The following DENND5B variants were observed in gnomAD, a reference collection of about 807,000 sequenced individuals.
DENND5B encodes the protein DENN domain containing 5B, also known as DENN domain-containing protein 5B.
A neutral mutation model predicts 140.6 loss-of-function variants in DENND5B; 34 were observed. The observed-to-expected ratio is 0.24, with a 90% CI of 0.18 to 0.32. The LOEUF is 0.32. Ranked by LOEUF, DENND5B falls within the 10% of genes least tolerant of loss-of-function variation. The pLI is 1.00. For synonymous variants in DENND5B, 551 were observed against 562.1 expected, an observed-to-expected ratio of 0.98 and a Z score of 0.28; for missense variants, 1,142 against 1,560.2, an observed-to-expected ratio of 0.73 and a Z score of 4.52.
At chr12:31,531,192 C>CTTT (rs57219180) in intron 1 of DENND5B, among the ~76,000 whole-genome samples, 15 of 147,794 alleles carry the variant, frequency 1.0e-4, no homozygotes, top group Non-Finnish European at 1.5e-4. Flanking sequence ...TTAGAACTAA[C>CTTT]TTTTTTTTTT....
chr12:31,581,624 C>T (rs540562984), intron 1 of DENND5B, among the ~76,000 whole-genome samples: 84 of 145,660 alleles, frequency 5.8e-4, no homozygotes, highest in Non-Finnish European at 1.0e-3. Flanking sequence ...ACCTGGGAGG[C>T]GCTGGCTGCG....
At chr12:31,586,745 A>G (rs1950406343) in intron 1 of DENND5B, among the ~76,000 whole-genome samples, 2 of 152,190 alleles carry the variant, frequency 1.3e-5, no homozygotes, top group Non-Finnish European at 2.9e-5. Flanking sequence ...AAGTCTATGA[A>G]GCAACTGGTA....
At chr12:31,542,287 C>CA (rs778257868) in intron 1 of DENND5B, among the ~76,000 whole-genome samples, 2,117 of 61,804 alleles carry the variant, frequency 0.034, 31 homozygotes, top group African/African-American at 0.067. Flanking sequence ...GACTCCGTCT[C>CA]AAAAAAAAAA....
chr12:31,395,292 T>C (rs1941376948), intron 17 of DENND5B, among the ~76,000 whole-genome samples: 1 of 152,192 alleles, frequency 6.6e-6, no homozygotes, highest in Non-Finnish European at 1.5e-5. Flanking sequence ...CAATATTTGT[T>C]GCTATAAGTG....
At chr12:31,463,328 G>A (rs922743659) in intron 3 of DENND5B, among the ~76,000 whole-genome samples, 6 of 152,048 alleles carry the variant, frequency 3.9e-5, no homozygotes, top group Non-Finnish European at 7.4e-5. Context: ...AGTAGGCAGA[G>A]ACAGTAATTT....
intron 7 of DENND5B, 87 bp downstream of exon 7, chr12:31,442,688 T>C: frequency 1.5e-6 from 2 of 1,357,894 alleles, no homozygotes; most frequent in Non-Finnish European, 2.0e-6. Flanking sequence ...AGATGTTTAA[T>C]AGTTAAGCAT....
chr12:31,549,096 C>T (rs889716612), intron 1 of DENND5B, among the ~76,000 whole-genome samples: 6 of 152,090 alleles, frequency 3.9e-5, no homozygotes, highest in African/African-American at 1.4e-4. Flanking sequence ...CACGAAGTCT[C>T]GCTTTGTTGT....
intron 1 of DENND5B, chr12:31,500,585 C>G (rs917135154): frequency 3.8e-5 from 11 of 289,378 alleles, no homozygotes; most frequent in Non-Finnish European, 7.2e-5. Flanking sequence ...GAAGGCCAGG[C>G]AGGAGAATTA....
chr12:31,479,485 G>A (rs965405515), intron 3 of DENND5B, 104 bp downstream of exon 3: 31 of 1,127,856 alleles, frequency 2.7e-5, no homozygotes, highest in African/African-American at 7.8e-5. Context: ...AAACAGAAAA[G>A]ACTGTGATCA....
At chr12:31,417,058 TG>T (rs1466901644) in intron 11 of DENND5B, among the ~76,000 whole-genome samples, 4 of 111,740 alleles carry the variant, frequency 3.6e-5, no homozygotes, top group African/African-American at 1.3e-4. Context: ...AGACTGTCTC[TG>T]AAAAAAAAAA....
chr12:31,467,702 T>A (rs966802102), intron 3 of DENND5B, among the ~76,000 whole-genome samples: 1 of 152,154 alleles, frequency 6.6e-6, no homozygotes, highest in Non-Finnish European at 1.5e-5. Context: ...TTTGAGGGAT[T>A]ATTAAAACTG....
intron 1 of DENND5B, among the ~76,000 whole-genome samples, chr12:31,550,166 A>C (rs1170579339): frequency 2.0e-5 from 3 of 148,034 alleles, no homozygotes; most frequent in Non-Finnish European, 4.5e-5. Flanking sequence ...TGCACCCATT[A>C]ACTCATCATT....
At chr12:31,415,487 TA>T (rs754091925) in intron 11 of DENND5B, 39 bp from the exon 12 acceptor site, 63 of 1,450,032 alleles carry the variant, frequency 4.3e-5, no homozygotes, top group Non-Finnish European at 5.5e-5. Context: ...AGAAAAGTAA[TA>T]AAAAATATAC....
At chr12:31,529,605 G>A (rs925288113) in intron 1 of DENND5B, among the ~76,000 whole-genome samples, 6 of 151,902 alleles carry the variant, frequency 3.9e-5, no homozygotes, top group Non-Finnish European at 5.9e-5. Context: ...TGGGGGGATC[G>A]CTTGAGCCCT....
Position 31,392,767 on chromosome 12 carries a change from T to C in DENND5B, c.3257-71A>G, listed in dbSNP as rs1000177199. The C allele has an allele frequency of 1.3e-5, 17 of 1,356,326 alleles. No homozygotes were observed. In the African/African-American group the frequency reaches 2.3e-4, roughly 19 times the overall value. The allele number at this position is 1,356,326 out of a possible 1,614,324, so 84.0% of individuals were successfully genotyped here. A position where few individuals can be genotyped will look rare whatever the true frequency, so the allele number is the denominator to read the frequency against. Reference sequence around the variant, plus strand: ...AACCAAAGTACTATGGGACATCAACTGTGTCCACCTAGGCAGGAAATACGT... The same window carrying C: ...AACCAAAGTACTATGGGACATCAACCGTGTCCACCTAGGCAGGAAATACGT... On this transcript the variant is annotated intron_variant, in intron 17 of 20. Coordinates refer to ENST00000389082, the MANE Select transcript of DENND5B (RefSeq NM_144973.4).
chr12:31,502,795 A>G (rs751024492), intron 1 of DENND5B, among the ~76,000 whole-genome samples: 8 of 152,074 alleles, frequency 5.3e-5, no homozygotes, highest in Non-Finnish European at 7.4e-5. Flanking sequence ...AACCTTTCAT[A>G]CTCTCTCCTC....
intron 1 of DENND5B, among the ~76,000 whole-genome samples, chr12:31,556,647 T>C (rs1348187369): frequency 6.6e-6 from 1 of 152,158 alleles, no homozygotes; most frequent in East Asian, 1.9e-4. Flanking sequence ...CAAGACCCTA[T>C]CTCTATTCTA....
intron 7 of DENND5B, among the ~76,000 whole-genome samples, chr12:31,438,185 G>A (rs1943862761): frequency 6.6e-6 from 1 of 152,196 alleles, no homozygotes; most frequent in Non-Finnish European, 1.5e-5. Flanking sequence ...ATCTCGGCCA[G>A]GCTGGCCTTG....
chr12:31,479,457 A>G, intron 3 of DENND5B, 132 bp downstream of exon 3: 1 of 851,850 alleles, frequency 1.2e-6, no homozygotes, highest in Non-Finnish European at 1.6e-6. Flanking sequence ...GTCCCACCAT[A>G]CCTGCTCCCT....
Sources: gnomAD v4.1 joint callset for allele counts (sites outside exome capture counted in the v4.1 genomes callset) on GRCh38, gnomAD v4.1.1 for gene constraint, MANE v1.5 for transcripts, NCBI Gene and HGNC (gene_info 2026-07-23, HGNC 2026-07-21) for gene names.